The following ABCB1 variants were observed in gnomAD, a reference collection of about 807,000 sequenced individuals.
ABCB1 encodes ATP-dependent translocase ABCB1.
A neutral mutation model predicts 142.0 loss-of-function variants in ABCB1; 69 were observed. The ratio of observed to expected loss-of-function variants is 0.49; its 90% CI spans 0.40 to 0.59. The LOEUF is 0.59. Ranked by LOEUF, ABCB1 falls within the 20% of genes least tolerant of loss-of-function variation. ABCB1 has a pLI of 0.00. For missense variants in ABCB1, 1,326 were observed against 1,554.7 expected (o/e 0.85, Z 2.47); for synonymous variants, 532 against 539.2 (o/e 0.99, Z 0.18).
chr7:87,598,057 A>G (rs566208453), intron 2 of ABCB1, among the ~76,000 whole-genome samples: 10 of 152,262 alleles, frequency 6.6e-5, no homozygotes, highest in African/African-American at 2.2e-4. Flanking sequence ...CAAACTGAAT[A>G]CAAATGGGAG....
chr7:87,693,357 A>G (rs1362074276), intron 1 of ABCB1, among the ~76,000 whole-genome samples: 1 of 152,214 alleles, frequency 6.6e-6, no homozygotes, highest in Non-Finnish European at 1.5e-5. Flanking sequence ...AGAAAACATA[A>G]AAGTTTTAAC....
intron 1 of ABCB1, among the ~76,000 whole-genome samples, chr7:87,619,931 A>G (rs557686320): frequency 9.8e-5 from 15 of 152,330 alleles, no homozygotes; most frequent in Admixed American, 2.6e-4. Flanking sequence ...AGCCGTGGAT[A>G]TAGTAAATTG....
chr7:87,504,784 G>T (rs1217669948), intron 27 of ABCB1, among the ~76,000 whole-genome samples: 1 of 146,314 alleles, frequency 6.8e-6, no homozygotes, highest in African/African-American at 2.6e-5. Flanking sequence ...CAGCCTGGGC[G>T]ACAGAGCGAG....
intron 17 of ABCB1, 59 bp from the exon 18 acceptor site, chr7:87,541,523 T>G: frequency 2.5e-6 from 3 of 1,194,620 alleles, no homozygotes; most frequent in Non-Finnish European, 3.7e-6. Context: ...ATCCTGGACC[T>G]GACCCATTTC....
intron 21 of ABCB1, chr7:87,521,484 T>C (rs1395049223): frequency 4.0e-6 from 3 of 741,964 alleles, no homozygotes; most frequent in African/African-American, 3.4e-5. Context: ...AGTCTCCTAA[T>C]GAGCCCAAAC....
intron 1 of ABCB1, among the ~76,000 whole-genome samples, chr7:87,657,638 A>G (rs986154317): frequency 6.6e-6 from 1 of 152,134 alleles, no homozygotes; most frequent in Non-Finnish European, 1.5e-5. Flanking sequence ...CTAGGCTGCC[A>G]TCTTCATCCA....
At chr7:87,603,208 A>C (rs1223081764), upstream of ABCB1, 1 of 152,238 alleles carries the variant, frequency 6.6e-6, no homozygotes, top group Non-Finnish European at 1.5e-5. Context: ...GTCATTTATC[A>C]GGAACTGCCA....
intron 1 of ABCB1, among the ~76,000 whole-genome samples, chr7:87,617,145 G>T (rs932134521): frequency 2.0e-5 from 3 of 152,282 alleles, no homozygotes; most frequent in Middle Eastern, 3.4e-3. Context: ...TGTTGACTTG[G>T]ATACCTTTAA....
At chr7:87,552,647 T>TA (rs74990983) in intron 9 of ABCB1, among the ~76,000 whole-genome samples, 4,811 of 107,308 alleles carry the variant, frequency 0.045, 77 homozygotes, top group Middle Eastern at 0.057. Flanking sequence ...ATCACTATAC[T>TA]AAAAAAAAAA....
At chr7:87,566,554 C>T in intron 6 of ABCB1, among the ~76,000 whole-genome samples, 1 of 152,196 alleles carries the variant, frequency 6.6e-6, no homozygotes. Flanking sequence ...TTTCTTCATT[C>T]TGGCAAAGCC....
chr7:87,678,308 T>A (rs1235425132), intron 1 of ABCB1, among the ~76,000 whole-genome samples: 1 of 152,140 alleles, frequency 6.6e-6, no homozygotes, highest in East Asian at 1.9e-4. Context: ...GGTTTCCAGG[T>A]TTGCATGTAT....
At chr7:87,561,963 G>A (rs28381861) in intron 7 of ABCB1, among the ~76,000 whole-genome samples, 2,058 of 152,254 alleles carry the variant, frequency 0.014, 47 homozygotes, top group African/African-American at 0.046. Flanking sequence ...TCCAGCCTGG[G>A]CAACAGAGTG....
At chr7:87,678,085 C>T (rs1443026752) in intron 1 of ABCB1, among the ~76,000 whole-genome samples, 1 of 152,170 alleles carries the variant, frequency 6.6e-6, no homozygotes, top group Non-Finnish European at 1.5e-5. Context: ...CAGAAGAAAA[C>T]TTGGAACTTC....
chr7:87,596,525 C>T (rs747464329), intron 2 of ABCB1, among the ~76,000 whole-genome samples: 33 of 152,072 alleles, frequency 2.2e-4, no homozygotes, highest in Non-Finnish European at 4.6e-4. Context: ...GAATCTAACT[C>T]TGTAGCCCAT....
intron 1 of ABCB1, among the ~76,000 whole-genome samples, chr7:87,669,075 T>G (rs1825568123): frequency 6.6e-6 from 1 of 152,018 alleles, no homozygotes; most frequent in Non-Finnish European, 1.5e-5. Context: ...GTCTGTGGAG[T>G]GTTGAAGTCT....
chr7:87,557,605 TA>T (rs1260745252), intron 8 of ABCB1, among the ~76,000 whole-genome samples: 1 of 152,238 alleles, frequency 6.6e-6, no homozygotes, highest in Non-Finnish European at 1.5e-5. Flanking sequence ...TATAGCTGTG[TA>T]AGTCCATTTG....
intron 7 of ABCB1, among the ~76,000 whole-genome samples, chr7:87,561,802 A>G (rs961378547): frequency 2.6e-5 from 4 of 152,206 alleles, no homozygotes; most frequent in African/African-American, 9.7e-5. Context: ...CCTGGGCAGC[A>G]TGGCAAGACC....
chr7:87,711,386 T>C (rs1276491132), intron 1 of ABCB1, among the ~76,000 whole-genome samples: 2 of 151,872 alleles, frequency 1.3e-5, no homozygotes, highest in Non-Finnish European at 2.9e-5. Flanking sequence ...TATAATTAGT[T>C]ATTGCTTATC....
chr7:87,650,651 C>T, intron 1 of ABCB1, among the ~76,000 whole-genome samples: 1 of 152,146 alleles, frequency 6.6e-6, no homozygotes, highest in East Asian at 1.9e-4. Context: ...AGACTCCTTT[C>T]TGTAAAAATT....
Sources: allele counts gnomAD v4.1 joint callset (sites outside exome capture counted in the v4.1 genomes callset), GRCh38; gene constraint gnomAD v4.1.1; transcripts MANE v1.5; gene names NCBI Gene and HGNC (gene_info 2026-07-23, HGNC 2026-07-21).